The following ADAM12 variants were observed in gnomAD, a reference collection of about 807,000 sequenced individuals.
The protein encoded by ADAM12 is disintegrin and metalloproteinase domain-containing protein 12.
ADAM12 carries 70 observed loss-of-function variants against 106.4 expected under a neutral mutation model. The observed-to-expected ratio is 0.66, with a 90% CI of 0.54 to 0.80. ADAM12 has a LOEUF of 0.80. ADAM12 is among the 30% of genes least tolerant of loss of function. The pLI is 0.00. For missense variants in ADAM12, 1,010 were observed against 1,171.9 expected (o/e 0.86, Z 2.02); for synonymous variants, 420 against 433.5 (o/e 0.97, Z 0.39).
intron 11 of ADAM12, among the ~76,000 whole-genome samples, chr10:126,086,546 G>A (rs1252663725): frequency 6.9e-6 from 1 of 145,166 alleles, no homozygotes; most frequent in Non-Finnish European, 1.5e-5. Flanking sequence ...GTGTGGTGGT[G>A]CACGCCTGTA....
intron 1 of ADAM12, among the ~76,000 whole-genome samples, chr10:126,356,711 TATG>T (rs1362130152): frequency 6.6e-6 from 1 of 152,186 alleles, no homozygotes; most frequent in East Asian, 1.9e-4. Flanking sequence ...CTGTAAACTA[TATG>T]ATACTACAGA....
intron 8 of ADAM12, among the ~76,000 whole-genome samples, chr10:126,101,565 T>C (rs1955669130): frequency 6.6e-6 from 1 of 152,230 alleles, no homozygotes; most frequent in South Asian, 2.1e-4. Flanking sequence ...ATGTGTATTA[T>C]AGCTAAAGAT....
intron 1 of ADAM12, among the ~76,000 whole-genome samples, chr10:126,331,336 G>A (rs1286151126): frequency 6.6e-6 from 1 of 152,092 alleles, no homozygotes; most frequent in Non-Finnish European, 1.5e-5. Flanking sequence ...TCCCTCACAT[G>A]TTATTCCCAT....
At position 126,184,491 on chromosome 10, in the gene ADAM12, T is replaced by C. The variant is rs1378580635; in HGVS notation, c.261-29186A>G. Among the ~76,000 whole-genome samples the C allele has an allele frequency of 2.0e-5, 3 of 152,334 alleles. No individual in the cohort carries two copies. In the East Asian group the frequency reaches 5.8e-4, roughly 29 times the overall value. ...CATTAGTACATTAGTCTTCCAAATA[T>C]AATTTATTTAGACTTAAGTACTCCA... On this transcript the variant is annotated intron_variant, in intron 3 of 22. Coordinates refer to ENST00000448723, the MANE Select transcript of ADAM12 (RefSeq NM_001288973.2).
intron 2 of ADAM12, among the ~76,000 whole-genome samples, chr10:126,323,755 G>T (rs1156419162): frequency 1.3e-5 from 2 of 152,146 alleles, no homozygotes; most frequent in Non-Finnish European, 2.9e-5. Context: ...CATGGTTGGG[G>T]TCTAAGGCCA....
intron 21 of ADAM12, among the ~76,000 whole-genome samples, chr10:126,028,328 T>C (rs1218223978): frequency 6.6e-6 from 1 of 152,188 alleles, no homozygotes; most frequent in East Asian, 1.9e-4. Flanking sequence ...AAAATTCATA[T>C]GGAACCCCAA....
chr10:126,044,711 G>C (rs1029042632), intron 17 of ADAM12, among the ~76,000 whole-genome samples: 2 of 152,178 alleles, frequency 1.3e-5, no homozygotes, highest in African/African-American at 4.8e-5. Context: ...TACCCTCATT[G>C]CTTCAGATAA....
intron 16 of ADAM12, among the ~76,000 whole-genome samples, chr10:126,046,454 T>C (rs1479788972): frequency 6.6e-6 from 1 of 152,218 alleles, no homozygotes; most frequent in African/African-American, 2.4e-5. Flanking sequence ...GAGTTTTGTT[T>C]GGAGCTTGTA....
intron 14 of ADAM12, among the ~76,000 whole-genome samples, chr10:126,055,898 AT>A (rs1380270433): frequency 1.3e-5 from 2 of 152,162 alleles, no homozygotes; most frequent in African/African-American, 4.8e-5. Context: ...GCTTAGTGAG[AT>A]TTCCCTTTAA....
At chr10:126,042,165 C>G (rs770134495) in intron 18 of ADAM12, 4 of 1,613,706 alleles carry the variant, frequency 2.5e-6, no homozygotes, top group Non-Finnish European at 3.4e-6. Context: ...TAGACGCATG[C>G]TCCTGCGATC....
At chr10:126,232,644 C>T (rs1432703457) in intron 3 of ADAM12, among the ~76,000 whole-genome samples, 1 of 152,152 alleles carries the variant, frequency 6.6e-6, no homozygotes, top group Non-Finnish European at 1.5e-5. Context: ...TCTTCTCAGG[C>T]CAGCATCTTA....
At chr10:126,291,265 T>C (rs529689306) in intron 2 of ADAM12, among the ~76,000 whole-genome samples, 1 of 152,362 alleles carries the variant, frequency 6.6e-6, no homozygotes, top group East Asian at 1.9e-4. Context: ...CCCATTCATA[T>C]GTTGACTAAA....
At chr10:126,356,748 AAAC>A (rs1855555713) in intron 1 of ADAM12, among the ~76,000 whole-genome samples, 1 of 152,242 alleles carries the variant, frequency 6.6e-6, no homozygotes, top group Non-Finnish European at 1.5e-5. Flanking sequence ...AAAATTTGGA[AAAC>A]AATACATGAA....
intron 2 of ADAM12, among the ~76,000 whole-genome samples, chr10:126,319,148 A>G (rs929649525): frequency 6.6e-6 from 1 of 152,186 alleles, no homozygotes; most frequent in Admixed American, 6.5e-5. Flanking sequence ...GATTAAAAAC[A>G]TAAATAGGGA....
chr10:126,224,051 C>T (rs1483126283), intron 3 of ADAM12, among the ~76,000 whole-genome samples: 1 of 152,192 alleles, frequency 6.6e-6, no homozygotes, highest in African/African-American at 2.4e-5. Context: ...TGACCCCCAC[C>T]AGCTAAGGCT....
chr10:126,169,599 A>G (rs531625719), intron 3 of ADAM12, among the ~76,000 whole-genome samples: 1 of 152,348 alleles, frequency 6.6e-6, no homozygotes, highest in Admixed American at 6.5e-5. Flanking sequence ...AAAAAATAAA[A>G]TAAAATAAAA....
At chr10:126,069,040 T>C (rs528551791) in intron 12 of ADAM12, among the ~76,000 whole-genome samples, 1 of 152,196 alleles carries the variant, frequency 6.6e-6, no homozygotes, top group East Asian at 1.9e-4. Flanking sequence ...ACACACTGGG[T>C]CCCTCTGTGG....
chr10:126,187,740 C>T (rs571187908), intron 3 of ADAM12, among the ~76,000 whole-genome samples: 20 of 152,316 alleles, frequency 1.3e-4, no homozygotes, highest in East Asian at 3.9e-4. Flanking sequence ...AGGCACAGCA[C>T]GCTGGCCACA....
intron 18 of ADAM12, among the ~76,000 whole-genome samples, chr10:126,040,403 C>G (rs952858675): frequency 1.3e-5 from 2 of 152,186 alleles, no homozygotes; most frequent in Non-Finnish European, 2.9e-5. Flanking sequence ...CTCTCCTCGG[C>G]CCTGCCTCCC....
Sources: gnomAD v4.1 joint callset for allele counts (sites outside exome capture counted in the v4.1 genomes callset) on GRCh38, gnomAD v4.1.1 for gene constraint, MANE v1.5 for transcripts, NCBI Gene and HGNC (gene_info 2026-07-23, HGNC 2026-07-21) for gene names.